The following QTGAL variants were observed in gnomAD, a reference collection of about 807,000 sequenced individuals.
QTGAL encodes the protein queuosine-tRNA galactosyltransferase.
At chr17:82,965,280 C>CG in the QTGAL span, among the ~76,000 whole-genome samples, 1 of 151,702 alleles carries the variant, frequency 6.6e-6, no homozygotes, top group South Asian at 2.1e-4. Context: ...GGTGCACCCC[C>CG]GGGGGGAGGA....
chr17:82,983,579 C>T, the QTGAL span, among the ~76,000 whole-genome samples: 2 of 152,176 alleles, frequency 1.3e-5, no homozygotes, highest in Non-Finnish European at 2.9e-5. Context: ...TCATTCCTGC[C>T]GACCTGTGGC....
the QTGAL span, chr17:82,960,601 G>A: frequency 6.4e-6 from 1 of 157,256 alleles, no homozygotes; most frequent in African/African-American, 2.4e-5. Context: ...TCCTCACAGT[G>A]ACACGGGAGA....
the QTGAL span, among the ~76,000 whole-genome samples, chr17:82,978,235 C>T: frequency 3.9e-5 from 6 of 152,102 alleles, no homozygotes; most frequent in East Asian, 1.9e-4. This position sits in a 1 kb window ranked among gnomAD's most constrained non-coding sequence, Gnocchi z 4.8. Flanking sequence ...CCCCAGGCTG[C>T]GAGTCTGTGA....
the QTGAL span, among the ~76,000 whole-genome samples, chr17:83,027,987 A>T: frequency 6.6e-6 from 1 of 151,826 alleles, no homozygotes; most frequent in African/African-American, 2.4e-5. Context: ...GGTGGTATGC[A>T]CCTGTAGTCC....
At chr17:82,977,107 C>T in the QTGAL span, among the ~76,000 whole-genome samples, 659 of 152,364 alleles carry the variant, frequency 4.3e-3, 4 homozygotes, top group African/African-American at 0.015. Context: ...TAACGTAAGC[C>T]AAACGCTGGC....
chr17:83,029,473 G>A, the QTGAL span, among the ~76,000 whole-genome samples: 30 of 152,168 alleles, frequency 2.0e-4, no homozygotes, highest in African/African-American at 6.5e-4. Flanking sequence ...AAGGAGGCAG[G>A]GGATAAGCAT....
At chr17:82,969,537 G>A in the QTGAL span, among the ~76,000 whole-genome samples, 1 of 152,142 alleles carries the variant, frequency 6.6e-6, no homozygotes, top group Admixed American at 6.5e-5. Flanking sequence ...CCAGCGTGGT[G>A]GTGCACGCGC....
chr17:82,999,656 G>A, the QTGAL span, among the ~76,000 whole-genome samples: 1 of 152,192 alleles, frequency 6.6e-6, no homozygotes, highest in Non-Finnish European at 1.5e-5. Context: ...TCATAAGGAA[G>A]AGAAAATACA....
the QTGAL span, among the ~76,000 whole-genome samples, chr17:83,042,025 AG>A: frequency 6.7e-6 from 1 of 150,360 alleles, no homozygotes; most frequent in Non-Finnish European, 1.5e-5. Context: ...TAAATATAAA[AG>A]ATAGTACTAT....
the QTGAL span, among the ~76,000 whole-genome samples, chr17:82,976,145 C>A: frequency 2.4e-5 from 1 of 40,868 alleles, no homozygotes; most frequent in Non-Finnish European, 5.0e-5. Context: ...TTATGGGGAA[C>A]GAGGGCCCCG....
At chr17:83,033,693 A>G in the QTGAL span, among the ~76,000 whole-genome samples, 33 of 151,918 alleles carry the variant, frequency 2.2e-4, no homozygotes, top group African/African-American at 8.0e-4. Context: ...GGATGGTCTC[A>G]ATCTCCTGAC....
the QTGAL span, among the ~76,000 whole-genome samples, chr17:82,963,766 G>C: frequency 6.6e-6 from 1 of 152,168 alleles, no homozygotes; most frequent in African/African-American, 2.4e-5. Context: ...CCTGGGTGCA[G>C]GAAGTGTTTT....
At chr17:82,988,832 T>G in the QTGAL span, among the ~76,000 whole-genome samples, 2 of 152,176 alleles carry the variant, frequency 1.3e-5, no homozygotes, top group African/African-American at 2.4e-5. Flanking sequence ...GAATGGCGAT[T>G]TTTTAAAAAT....
the QTGAL span, among the ~76,000 whole-genome samples, chr17:82,992,996 A>G: frequency 2.6e-5 from 4 of 152,206 alleles, no homozygotes; most frequent in Non-Finnish European, 5.9e-5. Context: ...GCAAGAAATC[A>G]AATCATATTG....
At chr17:83,051,084 AGGCAGGTGCGCGC>A in the QTGAL span, among the ~76,000 whole-genome samples, 1,315 of 124,610 alleles carry the variant, frequency 0.011, 18 homozygotes, top group African/African-American at 0.036. Flanking sequence ...TGCGGGAGCG[AGGCAGGTGCGCGC>A]GGCAGGTGCG....
At chr17:82,946,196 G>C in the QTGAL span, among the ~76,000 whole-genome samples, 2 of 152,198 alleles carry the variant, frequency 1.3e-5, no homozygotes, top group Non-Finnish European at 2.9e-5. Flanking sequence ...AAATATGCAA[G>C]AATGGCAAGA....
the QTGAL span, among the ~76,000 whole-genome samples, chr17:83,015,391 A>C: frequency 6.6e-6 from 1 of 152,268 alleles, no homozygotes; most frequent in Non-Finnish European, 1.5e-5. This position sits in a 1 kb window ranked among gnomAD's most constrained non-coding sequence, Gnocchi z 4.4. Context: ...AGCTCATTCA[A>C]ATGTGGAAAG....
At chr17:83,018,231 C>A in the QTGAL span, among the ~76,000 whole-genome samples, 1 of 149,152 alleles carries the variant, frequency 6.7e-6, no homozygotes, top group East Asian at 2.0e-4. Context: ...AGGTACCACA[C>A]GTGCTCCACA....
the QTGAL span, among the ~76,000 whole-genome samples, chr17:83,025,765 C>T: frequency 2.0e-5 from 3 of 152,236 alleles, no homozygotes; most frequent in Admixed American, 6.5e-5. Flanking sequence ...CTAAATGCAG[C>T]GCGATTCTGA....
Sources: allele counts gnomAD v4.1 joint callset (sites outside exome capture counted in the v4.1 genomes callset), GRCh38; gene constraint gnomAD v4.1.1; non-coding constraint Gnocchi (gnomAD v3.1); transcripts MANE v1.5; gene names NCBI Gene and HGNC (gene_info 2026-07-23, HGNC 2026-07-21).